Variants in SIPA1L1 observed in about 807,000 individuals in gnomAD.
SIPA1L1 encodes signal induced proliferation associated 1 like 1.
Under a neutral mutation model 162.7 loss-of-function variants are expected in SIPA1L1, and 26 were observed. The observed-to-expected ratio is 0.16, with a 90% CI of 0.12 to 0.22. The LOEUF is 0.22. SIPA1L1 is among the 10% of genes least tolerant of loss of function. SIPA1L1 has a pLI of 1.00. For synonymous variants in SIPA1L1, 829 were observed against 837.4 expected, an observed-to-expected ratio of 0.99 and a Z score of 0.17; for missense variants, 1,874 against 2,241.0, an observed-to-expected ratio of 0.84 and a Z score of 3.31.
intron 2 of SIPA1L1, among the ~76,000 whole-genome samples, chr14:71,424,743 T>G (rs1210178834): frequency 6.6e-6 from 1 of 152,102 alleles, no homozygotes; most frequent in African/African-American, 2.4e-5. Flanking sequence ...TGTAGTATCT[T>G]CATCTGGTTT....
intron 2 of SIPA1L1, among the ~76,000 whole-genome samples, chr14:71,475,775 G>T (rs936511452): frequency 6.6e-6 from 1 of 152,210 alleles, no homozygotes; most frequent in African/African-American, 2.4e-5. Context: ...AGTGAAAGTG[G>T]AATGAGGGCA....
At chr14:71,409,917 G>A (rs574611799) in intron 2 of SIPA1L1, among the ~76,000 whole-genome samples, 9 of 152,272 alleles carry the variant, frequency 5.9e-5, no homozygotes, top group African/African-American at 1.7e-4. Flanking sequence ...TAAGGTTTAC[G>A]GGGCTTGCTT....
At chr14:71,690,141 A>G (rs942416485) in intron 13 of SIPA1L1, among the ~76,000 whole-genome samples, 5 of 152,142 alleles carry the variant, frequency 3.3e-5, no homozygotes, top group African/African-American at 1.2e-4. Flanking sequence ...CCTCCATCAC[A>G]GCTTCGTGCC....
intron 2 of SIPA1L1, among the ~76,000 whole-genome samples, chr14:71,503,591 A>G (rs561997438): frequency 2.6e-5 from 4 of 152,220 alleles, no homozygotes; most frequent in South Asian, 2.1e-4. Flanking sequence ...TGTTTCACAT[A>G]TTTTTCTTTA....
intron 2 of SIPA1L1, among the ~76,000 whole-genome samples, chr14:71,331,735 A>G (rs544121513): frequency 4.1e-4 from 62 of 152,296 alleles, no homozygotes; most frequent in African/African-American, 1.5e-3. Flanking sequence ...TTCCTTTTCC[A>G]AGCCAGTAGT....
chr14:71,432,826 C>T (rs971184836), intron 2 of SIPA1L1, among the ~76,000 whole-genome samples: 6 of 152,176 alleles, frequency 3.9e-5, no homozygotes, highest in Admixed American at 2.0e-4. Flanking sequence ...TTTTCACATT[C>T]ATTTGCGAAC....
chr14:71,653,602 C>G (rs986331948), intron 8 of SIPA1L1, among the ~76,000 whole-genome samples: 2 of 152,132 alleles, frequency 1.3e-5, no homozygotes, highest in Non-Finnish European at 2.9e-5. Context: ...GGCTCATCTT[C>G]TGTATTCTTT....
intron 2 of SIPA1L1, among the ~76,000 whole-genome samples, chr14:71,431,929 A>G (rs985286886): frequency 9.9e-5 from 15 of 152,208 alleles, no homozygotes; most frequent in African/African-American, 3.1e-4. Context: ...GAAATTGTCT[A>G]TTTTTATGCT....
intron 2 of SIPA1L1, among the ~76,000 whole-genome samples, chr14:71,400,534 G>T (rs979997103): frequency 1.3e-5 from 2 of 152,066 alleles, no homozygotes; most frequent in Non-Finnish European, 2.9e-5. Flanking sequence ...AAGCGGCACA[G>T]ATAAGGCTGG....
intron 13 of SIPA1L1, among the ~76,000 whole-genome samples, chr14:71,695,994 G>A (rs529060225): frequency 6.6e-6 from 1 of 152,134 alleles, no homozygotes; most frequent in South Asian, 2.1e-4. Context: ...TTTGCAATAT[G>A]TCTCAGTGGA....
chr14:71,411,825 G>T (rs2042427662), intron 2 of SIPA1L1, among the ~76,000 whole-genome samples: 1 of 152,208 alleles, frequency 6.6e-6, no homozygotes, highest in Non-Finnish European at 1.5e-5. Flanking sequence ...GTACACTGAG[G>T]ATTCAGAAGA....
At chr14:71,725,778 C>T (rs189306217) in intron 19 of SIPA1L1, among the ~76,000 whole-genome samples, 172 of 152,192 alleles carry the variant, frequency 1.1e-3, no homozygotes, top group African/African-American at 3.9e-3. Context: ...GGGAGTGCAC[C>T]CCCAGAAAGG....
chr14:71,457,556 C>G (rs2046276429), intron 2 of SIPA1L1, among the ~76,000 whole-genome samples: 1 of 152,076 alleles, frequency 6.6e-6, no homozygotes, highest in African/African-American at 2.4e-5. Context: ...CTTGGCCTCC[C>G]AAAGTGCTGG....
chr14:71,540,813 C>T (rs754134436), intron 4 of SIPA1L1, among the ~76,000 whole-genome samples: 11 of 152,032 alleles, frequency 7.2e-5, no homozygotes, highest in Non-Finnish European at 1.3e-4. Context: ...GAAAGCCAAG[C>T]TGTAACGCAT....
intron 2 of SIPA1L1, among the ~76,000 whole-genome samples, chr14:71,334,632 T>C (rs939547640): frequency 9.9e-5 from 15 of 152,216 alleles, no homozygotes; most frequent in African/African-American, 3.4e-4. Flanking sequence ...AGTAGAAAAA[T>C]GGCTCTTATC....
chr14:71,463,058 T>C (rs527977760), intron 2 of SIPA1L1, among the ~76,000 whole-genome samples: 54 of 152,374 alleles, frequency 3.5e-4, no homozygotes, highest in African/African-American at 1.3e-3. Flanking sequence ...AGTAATCCAC[T>C]GTCATTCACC....
At chr14:71,551,572 A>G (rs1409066420) in intron 4 of SIPA1L1, among the ~76,000 whole-genome samples, 1 of 152,190 alleles carries the variant, frequency 6.6e-6, no homozygotes, top group East Asian at 1.9e-4. Flanking sequence ...GCTTCTCTGC[A>G]TCTCTGCTGA....
At chr14:71,550,801 A>G (rs2055749469) in intron 4 of SIPA1L1, among the ~76,000 whole-genome samples, 1 of 152,168 alleles carries the variant, frequency 6.6e-6, no homozygotes. Flanking sequence ...GAGCAATCCC[A>G]GCACTTAGGG....
chr14:71,408,220 C>T (rs571758495), intron 2 of SIPA1L1, among the ~76,000 whole-genome samples: 39 of 152,274 alleles, frequency 2.6e-4, no homozygotes, highest in Admixed American at 8.5e-4. Flanking sequence ...AAAACATCCT[C>T]AGATAGTAGA....
Sources: gnomAD v4.1 joint callset for allele counts (sites outside exome capture counted in the v4.1 genomes callset) on GRCh38, gnomAD v4.1.1 for gene constraint, MANE v1.5 for transcripts, NCBI Gene and HGNC (gene_info 2026-07-23, HGNC 2026-07-21) for gene names.